The following ATG7 variants were observed in gnomAD, a reference collection of about 807,000 sequenced individuals.
ATG7 encodes the protein ubiquitin-like modifier-activating enzyme ATG7.
A neutral mutation model predicts 82.4 loss-of-function variants in ATG7; 70 were observed. The ratio of observed to expected loss-of-function variants is 0.85; its 90% CI spans 0.70 to 1.04. The LOEUF (loss-of-function observed/expected upper bound fraction) is 1.04, where lower values mean the gene tolerates loss of function less well. Ranked by LOEUF, ATG7 falls within the 50% of genes least tolerant of loss-of-function variation. The pLI is 0.00. For synonymous variants in ATG7, 287 were observed against 313.0 expected (o/e 0.92, Z 0.88); for missense variants, 792 against 864.3 (o/e 0.92, Z 1.05).
the ATG7 span, among the ~76,000 whole-genome samples, chr3:11,567,544 C>T: frequency 6.6e-6 from 1 of 152,184 alleles, no homozygotes; most frequent in East Asian, 1.9e-4. Context: ...ATTTTCAAAA[C>T]GTTAAAATAC....
intron 20 of ATG7, among the ~76,000 whole-genome samples, chr3:11,533,186 T>C (rs2092724901): frequency 6.6e-6 from 1 of 151,632 alleles, no homozygotes; most frequent in African/African-American, 2.4e-5. Flanking sequence ...GCTGGGCACT[T>C]TCTCAGGGTG....
At chr3:11,337,719 C>A (rs1415900661) in intron 11 of ATG7, among the ~76,000 whole-genome samples, 1 of 151,970 alleles carries the variant, frequency 6.6e-6, no homozygotes, top group East Asian at 1.9e-4. Context: ...TGGGCTAAAT[C>A]CTTCCTCCTG....
chr3:11,368,013 T>C (rs1398376743), intron 18 of ATG7, among the ~76,000 whole-genome samples: 2 of 151,862 alleles, frequency 1.3e-5, no homozygotes, highest in Non-Finnish European at 2.9e-5. Flanking sequence ...GCCCCCCTCA[T>C]GCCTCTTCGG....
rs1423975649 is a variant in ATG7, at chr3:11,379,975, C to T, written c.1879C>T (p.Arg627Trp). ...TSLGLVPHQI[R>W]GFLSRFDNVL... ...GTTTTGTTTTGTTTGTTTTTAGATC[C>T]GGGGATTTCTTTCACGGTTTGATAA... The change falls in exon 19 of 21, where the codon CGG becomes TGG. Residue 627 changes from arginine (R) to tryptophan (W), a missense_variant. Coordinates refer to ENST00000693202, the MANE Select transcript of ATG7 (RefSeq NM_001349232.2). 2.5e-6 allele frequency: 4 copies of T among 1,613,778 alleles called. No homozygotes were observed. Among genetic ancestry groups the T allele is most frequent in the African/African-American group, 1.3e-5 (1 of 74,870 alleles).
At chr3:11,468,644 C>A (rs77873229) in intron 20 of ATG7, among the ~76,000 whole-genome samples, 1 of 152,270 alleles carries the variant, frequency 6.6e-6, no homozygotes, top group East Asian at 1.9e-4. Flanking sequence ...GAAAGAGGAA[C>A]TCTTGATCCC....
intron 9 of ATG7, among the ~76,000 whole-genome samples, chr3:11,324,394 A>G (rs1346874703): frequency 6.6e-6 from 1 of 152,222 alleles, no homozygotes; most frequent in African/African-American, 2.4e-5. Context: ...TCACTTTTGA[A>G]TCATCAAAGA....
At chr3:11,415,126 T>G (rs1222182893) in intron 19 of ATG7, among the ~76,000 whole-genome samples, 1 of 152,244 alleles carries the variant, frequency 6.6e-6, no homozygotes, top group Non-Finnish European at 1.5e-5. Context: ...TAATGAACAC[T>G]GTAGACAACT....
the ATG7 span, among the ~76,000 whole-genome samples, chr3:11,567,687 C>T: frequency 6.6e-6 from 1 of 152,234 alleles, no homozygotes; most frequent in South Asian, 2.1e-4. Flanking sequence ...AGAAGACCTT[C>T]CGCGGAACGG....
At chr3:11,297,302 G>A (rs543550718) in intron 3 of ATG7, among the ~76,000 whole-genome samples, 1 of 152,324 alleles carries the variant, frequency 6.6e-6, no homozygotes, top group African/African-American at 2.4e-5. Flanking sequence ...AGGTTGCAGT[G>A]AGCTGAGATT....
chr3:11,520,358 A>C, intron 20 of ATG7, among the ~76,000 whole-genome samples: 1 of 152,254 alleles, frequency 6.6e-6, no homozygotes, highest in Admixed American at 6.5e-5. Flanking sequence ...TTATTCACTC[A>C]GTAAACAAGT....
intron 5 of ATG7, among the ~76,000 whole-genome samples, chr3:11,306,140 T>C (rs556485593): frequency 6.6e-6 from 1 of 152,144 alleles, no homozygotes; most frequent in African/African-American, 2.4e-5. Flanking sequence ...TTGGGGGCAA[T>C]GTAGAGTGTG....
chr3:11,438,393 T>C (rs746728833), intron 20 of ATG7, among the ~76,000 whole-genome samples: 6 of 152,116 alleles, frequency 3.9e-5, no homozygotes, highest in Admixed American at 3.3e-4. Flanking sequence ...AAAGATTACA[T>C]TGACCAACTG....
At chr3:11,341,956 C>T (rs1182090464) in intron 12 of ATG7, among the ~76,000 whole-genome samples, 179 bp from the exon 13 acceptor site, 1 of 152,218 alleles carries the variant, frequency 6.6e-6, no homozygotes, top group African/African-American at 2.4e-5. Flanking sequence ...AGGACTCCAA[C>T]AGCATGCTGC....
At chr3:11,573,308 GAAGGAAGGAAGAAAGAAAGAAAGAAAGA>G in the ATG7 span, among the ~76,000 whole-genome samples, 34 of 23,018 alleles carry the variant, frequency 1.5e-3, 2 homozygotes, top group African/African-American at 8.9e-3. Context: ...AGAAAGAAAG[GAAGGAAGGAAGAAAGAAAGAAAGAAAGA>G]AAGAAAGAAA....
At chr3:11,476,700 C>A (rs566704393) in intron 20 of ATG7, among the ~76,000 whole-genome samples, 2 of 152,240 alleles carry the variant, frequency 1.3e-5, no homozygotes, top group South Asian at 4.2e-4. Context: ...GTATTCTTGT[C>A]CAAAATGAAA....
intron 19 of ATG7, among the ~76,000 whole-genome samples, chr3:11,385,410 C>CA (rs755862284): frequency 8.5e-5 from 13 of 152,218 alleles, no homozygotes; most frequent in Non-Finnish European, 1.3e-4. Flanking sequence ...CTTAGAAAGG[C>CA]AAATCATAGA....
intron 14 of ATG7, among the ~76,000 whole-genome samples, chr3:11,350,285 C>G (rs577460139): frequency 6.6e-6 from 1 of 152,182 alleles, no homozygotes; most frequent in Non-Finnish European, 1.5e-5. Context: ...AATAAGAATA[C>G]GTTGCAACCC....
chr3:11,389,870 CTA>C (rs1237404778), intron 19 of ATG7, among the ~76,000 whole-genome samples: 1 of 152,204 alleles, frequency 6.6e-6, no homozygotes, highest in Non-Finnish European at 1.5e-5. Context: ...TTAAAGAACT[CTA>C]TTGACCTTCC....
At chr3:11,469,592 A>G (rs1400969625) in intron 20 of ATG7, among the ~76,000 whole-genome samples, 1 of 152,186 alleles carries the variant, frequency 6.6e-6, no homozygotes, top group Non-Finnish European at 1.5e-5. Context: ...GAGGAAGTAT[A>G]GGATGGGAGC....
Sources: gnomAD v4.1 joint callset for allele counts (sites outside exome capture counted in the v4.1 genomes callset) on GRCh38, gnomAD v4.1.1 for gene constraint, MANE v1.5 for transcripts, NCBI Gene and HGNC (gene_info 2026-07-23, HGNC 2026-07-21) for gene names.